The following COL12A1 variants were observed in gnomAD, a reference collection of about 807,000 sequenced individuals.
The protein encoded by COL12A1 is collagen alpha-1(XII) chain.
COL12A1 carries 114 observed loss-of-function variants against 349.7 expected under a neutral mutation model. The observed-to-expected ratio is 0.33, with a 90% CI of 0.28 to 0.38. COL12A1 has a LOEUF of 0.38. Among genes scored for constraint, COL12A1 ranks in the 10% least tolerant of loss-of-function variants. COL12A1 has a pLI of 1.00. For missense variants in COL12A1, 3,284 were observed against 3,756.9 expected (o/e 0.87, Z 3.29); for synonymous variants, 1,369 against 1,329.0 (o/e 1.03, Z -0.66).
chr6:75,187,742 G>A (rs1046167793), intron 8 of COL12A1, among the ~76,000 whole-genome samples: 1 of 151,990 alleles, frequency 6.6e-6, no homozygotes, highest in African/African-American at 2.4e-5. Context: ...GAACAATGAT[G>A]GAAAAATATA....
At chr6:75,134,364 G>A (rs1365684894) in intron 32 of COL12A1, among the ~76,000 whole-genome samples, 1 of 152,082 alleles carries the variant, frequency 6.6e-6, no homozygotes, top group Non-Finnish European at 1.5e-5. Flanking sequence ...GAGGTCAGGA[G>A]TTCAAGACCA....
rs139677742 is a variant in COL12A1, at chr6:75,123,304, C to T, written c.6946+26G>A. The stretch of plus-strand genomic sequence containing the variant: ...AGTCTGTAACTCCCTATCAGCTGAA[C>T]GTATTGCCTATTTAGCTGTACTTAC... On this transcript the variant is annotated intron_variant, in intron 43 of 65. Transcript: ENST00000322507. The T allele has an allele frequency of 1.6e-5, 26 of 1,585,492 alleles. No homozygotes were observed. The East Asian group carries it at 3.8e-4, about 23-fold the overall frequency.
intron 11 of COL12A1, among the ~76,000 whole-genome samples, chr6:75,179,125 A>T (rs1403564053): frequency 2.0e-5 from 3 of 152,238 alleles, no homozygotes; most frequent in Non-Finnish European, 4.4e-5. Context: ...ACATAGCAGG[A>T]GCTCTGTAAT....
rs1582219536 is a variant in COL12A1, at chr6:75,194,932, T to G, written c.89A>C (p.Asp30Ala). ...TTCATCTATAATTTTAAAATTCAAG[T>G]CTGAAGGTGGGTCAACTGCAAAAGA... ...SIEAEVDPPS[D>A]LNFKIIDENT... is the part of the protein sequence containing the mutation. Residue 30 changes from aspartate (D) to alanine (A), a missense_variant, in exon 3 of 66, where the codon GAC (aspartate) becomes GCC (alanine). Coordinates refer to ENST00000322507, the MANE Select transcript of COL12A1 (RefSeq NM_004370.6). The G allele has an allele frequency of 3.1e-6, 5 of 1,601,210 alleles. No individual in the cohort carries two copies. The highest frequency in any genetic ancestry group is 1.3e-5 in the African/African-American group (1 of 74,510).
intron 15 of COL12A1, 90 bp from the exon 16 acceptor site, chr6:75,155,944 T>C: frequency 7.4e-7 from 1 of 1,351,328 alleles, no homozygotes; most frequent in Admixed American, 2.7e-5. Flanking sequence ...TGCATATCCA[T>C]AAAAAGGGTT....
At chr6:75,126,232 G>T in intron 39 of COL12A1, 119 bp downstream of exon 39, 1 of 1,178,852 alleles carries the variant, frequency 8.5e-7, no homozygotes, top group Non-Finnish European at 1.1e-6. Flanking sequence ...TTGGTTACAG[G>T]AAACTTGGTG....
At chr6:75,155,528 AG>A in intron 16 of COL12A1, 133 bp downstream of exon 16, 1 of 900,418 alleles carries the variant, frequency 1.1e-6, no homozygotes, top group Non-Finnish European at 1.6e-6. Context: ...AAACAGCTTT[AG>A]CTGATTTTAA....
At chr6:75,099,030 A>G (rs1053092757) in intron 58 of COL12A1, among the ~76,000 whole-genome samples, 2 of 152,172 alleles carry the variant, frequency 1.3e-5, no homozygotes, top group Non-Finnish European at 2.9e-5. Context: ...CCTCTGTCAG[A>G]GATTTTTGTC....
Position 75,121,434 on chromosome 6 carries a change from T to G in COL12A1, c.6954A>C (p.Lys2318Asn), listed in dbSNP as rs776206976. 6.4e-7 allele frequency: 1 copy of G among 1,558,536 alleles called. No homozygotes were observed. Among genetic ancestry groups the G allele is most frequent in the Non-Finnish European group, 8.7e-7 (1 of 1,146,032 alleles). The change falls in exon 44 of 66, where the codon AAA (lysine) becomes AAC (asparagine). Residue 2318 changes from lysine to asparagine, a missense_variant. Coordinates refer to ENST00000322507, the MANE Select transcript of COL12A1 (RefSeq NM_004370.6). ...PTIPPARDVCKGAKADIVFLT... is the reference protein window; with the variant it reads ...PTIPPARDVCNGAKADIVFLT... ...AGAACACAATATCTGCCTTGGCCCC[T>G]TTGCATACTGCAAAAAAAGAAAGCA...
intron 3 of COL12A1, among the ~76,000 whole-genome samples, 154 bp from the exon 4 acceptor site, chr6:75,192,509 AC>A (rs1769987016): frequency 6.6e-6 from 1 of 152,212 alleles, no homozygotes; most frequent in East Asian, 1.9e-4. Context: ...GCCTTCCAAA[AC>A]TAAAATTTTG....
chr6:75,121,918 G>A (rs971203907), intron 43 of COL12A1, among the ~76,000 whole-genome samples: 2 of 149,010 alleles, frequency 1.3e-5, no homozygotes, highest in African/African-American at 5.0e-5. Flanking sequence ...GTGCAGTGGT[G>A]TGATGATCTT....
rs1769138600 is a variant in COL12A1 at position 75,117,457 on chromosome 6, T to C, written c.7444A>G (p.Ile2482Val). The change falls in exon 47 of 66, where the codon ATT (isoleucine) becomes GTT (valine). Residue 2482 changes from isoleucine to valine, a missense_variant. Physicochemically the swap from Ile to Val is conservative, Grantham distance 29. Coordinates refer to ENST00000322507, the MANE Select transcript of COL12A1 (RefSeq NM_004370.6). ...ASKPSERHVF[I>V]VDDFESFEKI... Reference sequence around the variant, plus strand: ...TCAAAAGATTCAAAGTCGTCCACAATGAACACGTGCCGTTCACTTGGTTTG... The same window carrying C: ...TCAAAAGATTCAAAGTCGTCCACAACGAACACGTGCCGTTCACTTGGTTTG... 5.0e-6 allele frequency: 8 copies of C among 1,613,782 alleles called. No individual in the cohort carries two copies. In the Middle Eastern group the frequency reaches 6.6e-4, roughly 133 times the overall value.
At chr6:75,191,318 C>T (rs921900162) in intron 5 of COL12A1, among the ~76,000 whole-genome samples, 3 of 151,972 alleles carry the variant, frequency 2.0e-5, no homozygotes, top group Admixed American at 6.6e-5. Context: ...CTCTCATGTT[C>T]CAGCCCTGTA....
chr6:75,201,140 A>G (rs1413396397), intron 2 of COL12A1, among the ~76,000 whole-genome samples: 2 of 152,116 alleles, frequency 1.3e-5, no homozygotes, highest in African/African-American at 4.8e-5. Flanking sequence ...AGAATTCTCA[A>G]CTCTTTCTGA....
chr6:75,109,281 CAA>C, intron 51 of COL12A1, 114 bp from the exon 52 acceptor site: 2 of 682,858 alleles, frequency 2.9e-6, no homozygotes, highest in African/African-American at 1.9e-5. Context: ...CATCCTAAAT[CAA>C]AAGTCTTACT....
chr6:75,133,553 GCCCC>G (rs913731618), intron 33 of COL12A1, 131 bp from the exon 34 acceptor site: 15 of 910,370 alleles, frequency 1.6e-5, no homozygotes, highest in Admixed American at 2.8e-5. Context: ...GTCATAATAA[GCCCC>G]CACATGACCT....
At chr6:75,119,002 G>A in intron 46 of COL12A1, 41 bp downstream of exon 46, 2 of 1,610,470 alleles carry the variant, frequency 1.2e-6, no homozygotes, top group Non-Finnish European at 1.7e-6. Flanking sequence ...ATTTAAAAAT[G>A]TTAAAATTTC....
At chr6:75,172,537 T>G (rs1768690924) in intron 13 of COL12A1, among the ~76,000 whole-genome samples, 1 of 152,150 alleles carries the variant, frequency 6.6e-6, no homozygotes, top group South Asian at 2.1e-4. Context: ...GTTTGTCCTC[T>G]AAAAAAATCT....
At chr6:75,140,449 G>A (rs540361369) in intron 27 of COL12A1, among the ~76,000 whole-genome samples, 2 of 152,190 alleles carry the variant, frequency 1.3e-5, no homozygotes, top group African/African-American at 4.8e-5. Context: ...GAGGTCAGGA[G>A]ATCCAGACCA....
Sources: gnomAD v4.1 joint callset for allele counts (sites outside exome capture counted in the v4.1 genomes callset) on GRCh38, gnomAD v4.1.1 for gene constraint, MANE v1.5 for transcripts, NCBI Gene and HGNC (gene_info 2026-07-23, HGNC 2026-07-21) for gene names.